SYNE2: variants seen among roughly 807,000 people sequenced by gnomAD.
The protein encoded by SYNE2 is nesprin-2.
SYNE2 carries 431 observed loss-of-function variants against 856.3 expected under a neutral mutation model. The observed-to-expected ratio is 0.50, with a 90% CI of 0.47 to 0.55. The LOEUF is 0.55. Ranked by LOEUF, SYNE2 falls within the 20% of genes least tolerant of loss-of-function variation. The probability of loss-of-function intolerance (pLI) is 0.00; values close to 1 mark genes in which losing one functional copy is unlikely to be tolerated. For synonymous variants in SYNE2, 2,923 were observed against 2,872.3 expected (o/e 1.02, Z -0.56); for missense variants, 8,129 against 8,023.2 (o/e 1.01, Z -0.50).
rs373313631 is a variant in SYNE2, at chr14:63,770,755, A to C, written c.-305+8769A>C. On this transcript the variant is annotated intron_variant, in intron 1 of 23. Transcript: ENST00000674003. ...CAGTGAGCTGTGATTGTGCCACTGC[A>C]CTCCAGCCTGGGTGACAGAGCAAGA... Among the ~76,000 whole-genome samples the C allele has an allele frequency of 9.9e-4, 150 of 152,152 alleles. 6 individuals are homozygous for C. The East Asian group carries it at 0.022, about 22-fold the overall frequency.
At chr14:63,869,807 T>C (rs1284025896) in intron 1 of SYNE2, among the ~76,000 whole-genome samples, 2 of 152,142 alleles carry the variant, frequency 1.3e-5, no homozygotes, top group Non-Finnish European at 2.9e-5. Context: ...ACAAGACCCA[T>C]TAGCCCACCC....
chr14:63,780,843 G>A (rs1887280107), intron 1 of SYNE2, among the ~76,000 whole-genome samples: 1 of 152,166 alleles, frequency 6.6e-6, no homozygotes, highest in African/African-American at 2.4e-5. Flanking sequence ...CTTATCTGTA[G>A]TGAAAAAATC....
At position 64,126,386 on chromosome 14, in the gene SYNE2, G is replaced by T; in HGVS notation, c.13614G>T (p.Leu4538=). The T allele has an allele frequency of 6.2e-7, 1 of 1,614,096 alleles. No individual in the cohort carries two copies. The highest frequency in any genetic ancestry group is 1.6e-4 in the Middle Eastern group (1 of 6,062). The part of the protein sequence containing the change: ...NLDKKLFELF[L]TLSQCLSSVE... ...ATAAAAAATTGTTTGAACTATTCCT[G>T]ACCCTCAGTCAGTGCCTCAGCAGTG... is the stretch of plus-strand genomic sequence containing the variant. The change falls in exon 72 of 116, where the codon CTG becomes CTT. Residue 4538 remains leucine (L), a synonymous_variant. Coordinates refer to ENST00000555002, the MANE Select transcript of SYNE2 (RefSeq NM_182914.3).
At position 64,216,283 on chromosome 14, in the gene SYNE2, C is replaced by G; in HGVS notation, c.19438C>G (p.Pro6480Ala). ...SISDGHSWHV[P>A]DSPSCPEHHY... is the part of the protein sequence containing the mutation. ...TTCGGATGGCCACTCGTGGCATGTT[C>G]CCGACAGCCCTTCCTGTCCCGAGCA... The change falls in exon 108 of 116, where the codon CCC becomes GCC. Residue 6480 changes from proline to alanine, a missense_variant. Around this residue, in one of 3 missense-constraint regions of SYNE2, gnomAD observed 5,410 missense variants for 5,284.8 expected, o/e 1.02. Transcript: ENST00000555002. The G allele has an allele frequency of 6.2e-7, 1 of 1,614,170 alleles. No homozygotes were observed. Among genetic ancestry groups the G allele is most frequent in the Non-Finnish European group, 8.5e-7 (1 of 1,180,040 alleles).
rs778966924 is a variant in SYNE2, at chr14:64,130,110, C to T, written c.14202C>T (p.Phe4734=). ...RARYTELSSP[F]VTESQQDALL... ...GGTACACAGAACTCAGCAGCCCTTTCGTCACTGAGAGCCAGCAAGATGCTT... is the reference window on the plus strand; with the variant it reads ...GGTACACAGAACTCAGCAGCCCTTTTGTCACTGAGAGCCAGCAAGATGCTT... The change falls in exon 76 of 116, where the codon TTC becomes TTT. Residue 4734 remains phenylalanine, a synonymous_variant. Coordinates refer to ENST00000555002, the MANE Select transcript of SYNE2 (RefSeq NM_182914.3). 6.8e-6 allele frequency: 11 copies of T among 1,614,034 alleles called. No homozygotes were observed. The highest frequency in any genetic ancestry group is 2.2e-5 in the South Asian group (2 of 91,082).
intron 1 of SYNE2, among the ~76,000 whole-genome samples, chr14:63,884,352 T>G (rs920263566): frequency 6.6e-6 from 1 of 152,200 alleles, no homozygotes; most frequent in Non-Finnish European, 1.5e-5. Flanking sequence ...TTGAGAGTGC[T>G]TAATGATTCT....
upstream of SYNE2, among the ~76,000 whole-genome samples, chr14:63,848,834 C>T (rs558133150): frequency 1.3e-5 from 2 of 152,326 alleles, no homozygotes; most frequent in African/African-American, 4.8e-5. Flanking sequence ...CCACCAGGCT[C>T]CACGCTTGGC....
intron 89 of SYNE2, among the ~76,000 whole-genome samples, chr14:64,164,216 TCTC>T (rs1357569361): frequency 6.6e-6 from 1 of 152,070 alleles, no homozygotes; most frequent in African/African-American, 2.4e-5. Context: ...TTTATGCCAT[TCTC>T]CTGCCTCAGC....
At chr14:64,040,403 G>A (rs902084964) in intron 45 of SYNE2, among the ~76,000 whole-genome samples, 3 of 151,380 alleles carry the variant, frequency 2.0e-5, no homozygotes, top group Admixed American at 6.6e-5. Context: ...ACAAAAGGAC[G>A]GATTTGAAAA....
chr14:63,835,977 CTG>C lies in SYNE2; in HGVS notation c.-304-16522_-304-16521del, dbSNP rs1195662402. ...CAGCCTGGGAAACAAGAGCAAAACT[CTG>C]TCTCAAAAAAAAAAAAAAAGGTGAA... On this transcript the variant is annotated intron_variant, in intron 1 of 23. Transcript: ENST00000674003. Among the ~76,000 whole-genome samples the C allele has an allele frequency of 4.0e-5, 4 of 101,140 alleles. No homozygotes were observed. In the East Asian group the frequency reaches 9.7e-4, roughly 24 times the overall value. 66.4% of individuals were successfully genotyped at this position (101,140 alleles called of 152,430 possible).
chr14:64,051,253 C>A (rs1223147811), intron 47 of SYNE2, among the ~76,000 whole-genome samples: 2 of 151,740 alleles, frequency 1.3e-5, no homozygotes, highest in Non-Finnish European at 2.9e-5. Context: ...TATGTACATT[C>A]TTCCCTTCAC....
In SYNE2 at chr14:63,921,495, T is replaced by C. The variant is rs139873056; in HGVS notation, c.79+12268T>C. On this transcript the variant is annotated intron_variant, in intron 2 of 115. Coordinates refer to ENST00000555002, the MANE Select transcript of SYNE2 (RefSeq NM_182914.3). The stretch of plus-strand genomic sequence containing the variant: ...CCGTAGCAGAGCTTGAGAAGGGATG[T>C]CCAGAGAAGTAGGAAGAGACCCAAC... Among the ~76,000 whole-genome samples, 212 of 152,090 alleles carry C rather than the reference T, an allele frequency of 1.4e-3. 2 individuals carry two copies. Among genetic ancestry groups the C allele is most frequent in the Non-Finnish European group, 2.8e-3 (189 of 67,960 alleles).
chr14:64,054,365 G>A (rs531689394), intron 48 of SYNE2, among the ~76,000 whole-genome samples: 1 of 152,318 alleles, frequency 6.6e-6, no homozygotes, highest in East Asian at 1.9e-4. Context: ...CAGTGTTGGA[G>A]ACACTGTGCT....
chr14:64,124,485 A>G lies in SYNE2; in HGVS notation c.13423-594A>G, dbSNP rs557856434. On this transcript the variant is annotated intron_variant, in intron 70 of 115. Coordinates refer to ENST00000555002, the MANE Select transcript of SYNE2 (RefSeq NM_182914.3). ...AGGAATCCTCCCACCTCTACTTGCA[A>G]AGTACTAGGATTATAGGCATAAGCC... Among the ~76,000 whole-genome samples the G allele has an allele frequency of 1.1e-4, 17 of 151,730 alleles. No homozygotes were observed. In the East Asian group the frequency reaches 3.1e-3, roughly 28 times the overall value.
In SYNE2 at chr14:63,857,630, G is replaced by T. The variant is rs1382953028; in HGVS notation, c.-52+4487G>T. On this transcript the variant is annotated intron_variant, in intron 1 of 115. Coordinates refer to ENST00000555002, the MANE Select transcript of SYNE2 (RefSeq NM_182914.3). Reference sequence around the variant, plus strand: ...CCCCAGATCCTTGCCAACAGTTGGGGTGGTTAGGCTTTTATAGCCATTCTG... The same window carrying T: ...CCCCAGATCCTTGCCAACAGTTGGGTTGGTTAGGCTTTTATAGCCATTCTG... Among the ~76,000 whole-genome samples the T allele has an allele frequency of 2.0e-5, 3 of 152,264 alleles. 1 individual carries two copies. The highest frequency in any genetic ancestry group is 2.0e-4 in the Admixed American group (3 of 15,280).
intron 1 of SYNE2, among the ~76,000 whole-genome samples, chr14:63,863,712 C>CA (rs1488489666): frequency 1.3e-5 from 2 of 151,542 alleles, no homozygotes; most frequent in Non-Finnish European, 2.9e-5. Flanking sequence ...GCTTTTAGTT[C>CA]AAAAATTTGA....
chr14:64,207,886 A>G (rs2098615810), intron 100 of SYNE2: 4 of 401,006 alleles, frequency 1.0e-5, no homozygotes, highest in Admixed American at 5.8e-5. Flanking sequence ...TTGTCACACA[A>G]TTTGGACATC....
chr14:63,887,450 C>T (rs184749280), intron 1 of SYNE2, among the ~76,000 whole-genome samples: 8 of 152,248 alleles, frequency 5.3e-5, no homozygotes, highest in Admixed American at 4.6e-4. Context: ...ACTGATCCTA[C>T]ACCCTCTGTG....
chr14:64,050,113 AAGT>A (rs143909916), intron 47 of SYNE2, among the ~76,000 whole-genome samples: 1 of 152,268 alleles, frequency 6.6e-6, no homozygotes, highest in African/African-American at 2.4e-5. Flanking sequence ...GGAGGGTGGG[AAGT>A]CCAAGATCAA....
Sources: allele counts gnomAD v4.1 joint callset (sites outside exome capture counted in the v4.1 genomes callset), GRCh38; gene constraint gnomAD v4.1.1; regional missense constraint gnomAD v4.1.1; transcripts MANE v1.5; gene names NCBI Gene and HGNC (gene_info 2026-07-23, HGNC 2026-07-21).